The following RASAL2 variants were observed in gnomAD, a reference collection of about 807,000 sequenced individuals.
RASAL2 encodes the protein ras GTPase-activating protein nGAP.
RASAL2 carries 58 observed loss-of-function variants against 128.9 expected under a neutral mutation model. The observed-to-expected ratio is 0.45, with a 90% CI of 0.36 to 0.56. The LOEUF (loss-of-function observed/expected upper bound fraction) is 0.56. RASAL2 is among the 20% of genes least tolerant of loss of function. RASAL2 has a pLI of 0.00. For synonymous variants in RASAL2, 561 were observed against 580.8 expected (o/e 0.97, Z 0.49); for missense variants, 1,360 against 1,601.6 (o/e 0.85, Z 2.57).
In RASAL2 at chr1:178,418,487, G is replaced by C. The variant is rs1263180531; in HGVS notation, c.565-2024G>C. On this transcript the variant is annotated intron_variant, in intron 4 of 17. Coordinates refer to ENST00000367649, the MANE Select transcript of RASAL2 (RefSeq NM_170692.4). ...AAGCTGGAGTGAAAAACAGCCTAGGGTATTATGTCTATGTGATATATACTA... is the reference window on the plus strand; with the variant it reads ...AAGCTGGAGTGAAAAACAGCCTAGGCTATTATGTCTATGTGATATATACTA... Among the ~76,000 whole-genome samples the C allele has an allele frequency of 3.3e-5, 5 of 152,062 alleles. No homozygotes were observed. The East Asian group carries it at 9.6e-4, about 29-fold the overall frequency.
chr1:178,126,498 T>A (rs1659905286), intron 1 of RASAL2, among the ~76,000 whole-genome samples: 1 of 152,212 alleles, frequency 6.6e-6, no homozygotes, highest in South Asian at 2.1e-4. Context: ...GCACCCTCCA[T>A]GAGTAAGATT....
intron 3 of RASAL2, among the ~76,000 whole-genome samples, chr1:178,303,298 TA>T (rs1483349160): frequency 2.0e-5 from 3 of 151,976 alleles, no homozygotes; most frequent in Admixed American, 6.6e-5. Flanking sequence ...GATAATACAA[TA>T]AAACTTCTAG....
At chr1:178,322,929 C>T (rs1160687687) in intron 3 of RASAL2, among the ~76,000 whole-genome samples, 2 of 152,140 alleles carry the variant, frequency 1.3e-5, no homozygotes, top group Non-Finnish European at 2.9e-5. Flanking sequence ...CTTCAGATTC[C>T]CTAGGCATTC....
At chr1:178,216,601 G>A (rs1475343917) in intron 1 of RASAL2, among the ~76,000 whole-genome samples, 1 of 152,034 alleles carries the variant, frequency 6.6e-6, no homozygotes, top group Non-Finnish European at 1.5e-5. Flanking sequence ...TTTGGTTGCC[G>A]AATTCAGGAT....
chr1:178,253,312 C>T (rs549977098), intron 1 of RASAL2, among the ~76,000 whole-genome samples: 2 of 152,226 alleles, frequency 1.3e-5, no homozygotes, highest in South Asian at 4.2e-4. Context: ...ATGACTTTAC[C>T]TTAACTTAAT....
chr1:178,162,548 A>T (rs1661362728), intron 1 of RASAL2, among the ~76,000 whole-genome samples: 1 of 116,782 alleles, frequency 8.6e-6, no homozygotes, highest in Non-Finnish European at 1.8e-5. Flanking sequence ...TATATAAAAT[A>T]TATATAATAT....
At chr1:178,195,700 A>G (rs1571614217) in intron 1 of RASAL2, among the ~76,000 whole-genome samples, 1 of 152,184 alleles carries the variant, frequency 6.6e-6, no homozygotes, top group South Asian at 2.1e-4. Context: ...GCTATAGAAG[A>G]TGAATCATTT....
chr1:178,144,307 C>T (rs1660642553), intron 1 of RASAL2, among the ~76,000 whole-genome samples: 1 of 152,180 alleles, frequency 6.6e-6, no homozygotes, highest in Admixed American at 6.6e-5. Context: ...ATTTTTAAGA[C>T]ACTTTGTGGG....
At chr1:178,319,433 A>G (rs1211746400) in intron 3 of RASAL2, among the ~76,000 whole-genome samples, 29 of 151,304 alleles carry the variant, frequency 1.9e-4, no homozygotes, top group Admixed American at 1.8e-3. Flanking sequence ...AGGTACACCA[A>G]TCAGACGTAG....
chr1:178,313,531 C>T (rs1375520646), intron 3 of RASAL2, among the ~76,000 whole-genome samples: 2 of 151,698 alleles, frequency 1.3e-5, no homozygotes, highest in African/African-American at 4.8e-5. Flanking sequence ...CACTCTGTCA[C>T]CCGGGCTGGA....
intron 15 of RASAL2, among the ~76,000 whole-genome samples, chr1:178,464,650 A>AT (rs1004799281): frequency 2.0e-5 from 3 of 148,442 alleles, no homozygotes; most frequent in African/African-American, 5.0e-5. Flanking sequence ...GTTAGCTACT[A>AT]TTTTTTTTAA....
chr1:178,094,785 C>G, intron 1 of RASAL2, 91 bp downstream of exon 1: 1 of 1,465,258 alleles, frequency 6.8e-7, no homozygotes, highest in Non-Finnish European at 9.3e-7. Flanking sequence ...ATTCCCAGTC[C>G]TCATCCGTGC....
intron 3 of RASAL2, among the ~76,000 whole-genome samples, chr1:178,348,270 T>A (rs1354140663): frequency 6.6e-6 from 1 of 152,172 alleles, no homozygotes; most frequent in East Asian, 1.9e-4. Context: ...CATATGTTAT[T>A]TGTACACTGC....
At chr1:178,445,992 A>T (rs1294599620) in intron 9 of RASAL2, among the ~76,000 whole-genome samples, 1 of 152,158 alleles carries the variant, frequency 6.6e-6, no homozygotes, top group Non-Finnish European at 1.5e-5. Flanking sequence ...ATATGATGAT[A>T]TTATTACCTA....
intron 3 of RASAL2, among the ~76,000 whole-genome samples, chr1:178,356,687 T>C (rs1368507018): frequency 1.3e-5 from 2 of 152,218 alleles, no homozygotes; most frequent in Non-Finnish European, 2.9e-5. Context: ...AAGGAATGTT[T>C]ACCCCGGAAA....
chr1:178,456,183 A>G (rs1467862335), intron 12 of RASAL2, among the ~76,000 whole-genome samples: 1 of 152,240 alleles, frequency 6.6e-6, no homozygotes, highest in Admixed American at 6.5e-5. Context: ...AGTGGATGGC[A>G]GTATCATCTG....
rs554183908 is a variant in RASAL2 at position 178,266,890 on chromosome 1, G to T, written c.203-16674G>T. On this transcript the variant is annotated intron_variant, in intron 1 of 17. Coordinates refer to ENST00000367649, the MANE Select transcript of RASAL2 (RefSeq NM_170692.4). ...TGGGGAAATGGGGGGCAGCCATGTT[G>T]CCAGGCACATGTGGGGGCAAAGGCA... is the stretch of plus-strand genomic sequence containing the variant. 1.8e-4 allele frequency among the ~76,000 whole-genome samples: 27 copies of T among 152,282 alleles called. No individual in the cohort carries two copies. In the South Asian group the frequency reaches 5.4e-3, roughly 30 times the overall value.
At chr1:178,317,297 C>G (rs1668533408) in intron 3 of RASAL2, among the ~76,000 whole-genome samples, 1 of 145,510 alleles carries the variant, frequency 6.9e-6, no homozygotes, top group Non-Finnish European at 1.5e-5. Context: ...CAGAATGATG[C>G]TGGCCTCATA....
chr1:178,274,799 C>T (rs937568599), intron 1 of RASAL2, among the ~76,000 whole-genome samples: 5 of 152,076 alleles, frequency 3.3e-5, no homozygotes, highest in African/African-American at 1.2e-4. Flanking sequence ...CTTTGTTGCC[C>T]AGGCTGGTCT....
Sources: gnomAD v4.1 joint callset for allele counts (sites outside exome capture counted in the v4.1 genomes callset) on GRCh38, gnomAD v4.1.1 for gene constraint, MANE v1.5 for transcripts, NCBI Gene and HGNC (gene_info 2026-07-23, HGNC 2026-07-21) for gene names.